DPP6: variants seen among roughly 807,000 people sequenced by gnomAD.
The protein encoded by DPP6 is A-type potassium channel modulatory protein DPP6.
A neutral mutation model predicts 122.6 loss-of-function variants in DPP6; 69 were observed. The observed-to-expected ratio is 0.56, with a 90% CI of 0.46 to 0.69. The LOEUF is 0.69. Ranked by LOEUF, DPP6 falls within the 30% of genes least tolerant of loss-of-function variation. The pLI is 0.00. For missense variants in DPP6, 928 were observed against 1,116.9 expected (o/e 0.83, Z 2.41); for synonymous variants, 418 against 433.1 (o/e 0.97, Z 0.43).
chr7:154,321,607 C>T (rs1807959728), intron 1 of DPP6, among the ~76,000 whole-genome samples: 1 of 151,650 alleles, frequency 6.6e-6, no homozygotes, highest in Non-Finnish European at 1.5e-5. Flanking sequence ...TATGGTGAAA[C>T]CCCGTCTCTA....
At chr7:154,093,598 C>CCACACACACACCACACA (rs1805054976) in intron 1 of DPP6, 1 of 135,026 alleles carries the variant, frequency 7.4e-6, no homozygotes, top group East Asian at 2.7e-4. Flanking sequence ...ACACCATACC[C>CCACACACACACCACACA]CACACACACA....
chr7:154,354,823 T>C (rs1388312956), intron 1 of DPP6, among the ~76,000 whole-genome samples: 3 of 151,952 alleles, frequency 2.0e-5, no homozygotes, highest in South Asian at 4.1e-4. Flanking sequence ...TTGATCATTA[T>C]GCACAATGCT....
At chr7:153,920,900 A>G (rs1181937045) in intron 1 of DPP6, among the ~76,000 whole-genome samples, 2 of 152,090 alleles carry the variant, frequency 1.3e-5, no homozygotes, top group African/African-American at 4.8e-5. Context: ...TGTGTCACCA[A>G]TTTCACTATC....
At chr7:154,662,400 ATGTG>A (rs1837774811) in intron 6 of DPP6, among the ~76,000 whole-genome samples, 1 of 141,156 alleles carries the variant, frequency 7.1e-6, no homozygotes, top group Non-Finnish European at 1.6e-5. Context: ...TCATATAGTC[ATGTG>A]AATCACCATG....
At chr7:153,846,015 C>T in the DPP6 span, among the ~76,000 whole-genome samples, 1 of 152,058 alleles carries the variant, frequency 6.6e-6, no homozygotes, top group African/African-American at 2.4e-5. Context: ...AAGTAGAAAC[C>T]TTGCTCATAA....
intron 1 of DPP6, among the ~76,000 whole-genome samples, chr7:154,124,657 A>T (rs1205350651): frequency 1.3e-5 from 2 of 152,260 alleles, no homozygotes; most frequent in South Asian, 2.1e-4. Context: ...AACAGAGTGG[A>T]AGAAAGAAGT....
At chr7:154,502,272 AC>A (rs1825315443) in intron 3 of DPP6, among the ~76,000 whole-genome samples, 1 of 152,024 alleles carries the variant, frequency 6.6e-6, no homozygotes, top group Admixed American at 6.6e-5. Flanking sequence ...ATGAGTTAAG[AC>A]TTTGGGGGAC....
rs1382825882 is a variant in DPP6, at chr7:154,403,651, A to G, written c.244-42563A>G. 1.3e-5 allele frequency among the ~76,000 whole-genome samples: 2 copies of G among 152,336 alleles called. No individual in the cohort carries two copies. Among genetic ancestry groups the G allele is most frequent in the Middle Eastern group, 3.4e-3 (1 of 294 alleles). On this transcript the variant is annotated intron_variant, in intron 1 of 25. Transcript: ENST00000377770. The surrounding 1 kb of genome is among the most constrained non-coding windows in gnomAD (Gnocchi z 4.1). ...GCATTTCATGGAACCTGTTTGGGGC[A>G]CGTGAAGAGTGGGCCAGAGTGCCAG... is the stretch of plus-strand genomic sequence containing the variant.
chr7:154,552,486 C>T (rs1337803682), intron 4 of DPP6, among the ~76,000 whole-genome samples: 1 of 152,242 alleles, frequency 6.6e-6, no homozygotes, highest in Admixed American at 6.5e-5. Context: ...AAGAACTCAT[C>T]TGTACCACCC....
intron 5 of DPP6, among the ~76,000 whole-genome samples, chr7:154,612,573 C>T (rs536913766): frequency 6.6e-6 from 1 of 152,184 alleles, no homozygotes; most frequent in South Asian, 2.1e-4. Flanking sequence ...TGGGTTTATT[C>T]CAGTTTTGGG....
intron 1 of DPP6, among the ~76,000 whole-genome samples, chr7:154,313,489 T>C (rs1461200489): frequency 5.3e-5 from 8 of 151,754 alleles, no homozygotes; most frequent in African/African-American, 1.9e-4. Flanking sequence ...GAACAGGTGT[T>C]TGTGGAATAG....
At chr7:154,160,799 C>T (rs1291926197) in intron 1 of DPP6, among the ~76,000 whole-genome samples, 2 of 152,182 alleles carry the variant, frequency 1.3e-5, no homozygotes, top group African/African-American at 2.4e-5. Flanking sequence ...AAACCTACCT[C>T]GTTCTGTCAC....
At chr7:154,280,843 C>T (rs138520367) in intron 1 of DPP6, among the ~76,000 whole-genome samples, 1 of 152,090 alleles carries the variant, frequency 6.6e-6, no homozygotes, top group African/African-American at 2.4e-5. Flanking sequence ...ATGCAATTAT[C>T]GTAGCCATCC....
rs117117393 is a variant in DPP6, at chr7:154,875,660, G to C, written c.1884-246G>C. ...TTTGGTGGCCGTCCCAGACAGCGCC[G>C]GTGTGTGTAGGGATGGCCCTGGGTG... On this transcript the variant is annotated intron_variant, in intron 19 of 25. Coordinates refer to ENST00000377770, the MANE Select transcript of DPP6 (RefSeq NM_130797.4). This position sits in a 1 kb window ranked among gnomAD's most constrained non-coding sequence, Gnocchi z 4.5. Among the ~76,000 whole-genome samples the C allele has an allele frequency of 8.5e-5, 13 of 152,124 alleles. No individual in the cohort carries two copies. Among genetic ancestry groups the C allele is most frequent in the Non-Finnish European group, 1.0e-4 (7 of 67,994 alleles).
At chr7:154,148,382 G>A (rs1276079038) in intron 1 of DPP6, among the ~76,000 whole-genome samples, 1 of 151,088 alleles carries the variant, frequency 6.6e-6, no homozygotes, top group Non-Finnish European at 1.5e-5. Flanking sequence ...GGTGGGGCAG[G>A]AAGGCAGAGC....
intron 10 of DPP6, among the ~76,000 whole-genome samples, chr7:154,786,471 CTGTTCTCTTGATA>C (rs1435473242): frequency 6.6e-6 from 1 of 152,116 alleles, no homozygotes; most frequent in African/African-American, 2.4e-5. Flanking sequence ...TACTCCCATG[CTGTTCTCTTGATA>C]GTGAATGAGT....
chr7:154,236,206 G>A (rs1801204955), intron 1 of DPP6, among the ~76,000 whole-genome samples: 3 of 152,114 alleles, frequency 2.0e-5, no homozygotes, highest in Admixed American at 1.3e-4. Context: ...TAATAGGAAT[G>A]TTGTTAAATT....
the DPP6 span, among the ~76,000 whole-genome samples, chr7:153,812,723 T>C: frequency 6.6e-6 from 1 of 152,200 alleles, no homozygotes; most frequent in African/African-American, 2.4e-5. Flanking sequence ...ATTGGGATTC[T>C]TGCTCTTGAC....
In DPP6 at chr7:154,803,803, A is replaced by G. The variant is rs2150455797; in HGVS notation, c.1408-61A>G. 3 of 1,565,736 alleles carry G rather than the reference A, an allele frequency of 1.9e-6. No individual in the cohort carries two copies. In the East Asian group the frequency reaches 7.0e-5, roughly 37 times the overall value. ...GGTGTCCAAAACAGTTGGAGGATGAAGAGCCATGCTGGGGCCGGGACACCG... is the reference window on the plus strand; with the variant it reads ...GGTGTCCAAAACAGTTGGAGGATGAGGAGCCATGCTGGGGCCGGGACACCG... On this transcript the variant is annotated intron_variant, in intron 13 of 25. Coordinates refer to ENST00000377770, the MANE Select transcript of DPP6 (RefSeq NM_130797.4).
Sources: gnomAD v4.1 joint callset for allele counts (sites outside exome capture counted in the v4.1 genomes callset) on GRCh38, gnomAD v4.1.1 for gene constraint, Gnocchi (gnomAD v3.1) non-coding constraint, MANE v1.5 for transcripts, NCBI Gene and HGNC (gene_info 2026-07-23, HGNC 2026-07-21) for gene names.